The following PGBD5 variants were observed in gnomAD, a reference collection of about 807,000 sequenced individuals.
PGBD5 encodes the protein piggyBac transposable element derived 5, also known as piggyBac transposable element-derived protein 5.
PGBD5 carries 14 observed loss-of-function variants against 47.9 expected under a neutral mutation model. The observed-to-expected ratio is 0.29, with a 90% CI of 0.19 to 0.46. The LOEUF is 0.46. PGBD5 is among the 20% of genes least tolerant of loss of function. The pLI is 1.00. For synonymous variants in PGBD5, 316 were observed against 306.3 expected, an observed-to-expected ratio of 1.03 and a Z score of -0.33; for missense variants, 635 against 716.0, an observed-to-expected ratio of 0.89 and a Z score of 1.29.
At chr1:230,331,272 C>T (rs577682779) in intron 5 of PGBD5, among the ~76,000 whole-genome samples, 5 of 152,030 alleles carry the variant, frequency 3.3e-5, no homozygotes, top group African/African-American at 9.6e-5. Context: ...AAACATTAGC[C>T]GGGCGCAGCG....
chr1:230,323,793 G>A lies in PGBD5; in HGVS notation c.1380-173C>T, dbSNP rs918392299. ...TTGGGATGTTAGGTGAGTTCCAGCTGGGGGTTTTGTCACAGTGAACTTCAT... is the reference window on the plus strand; with the variant it reads ...TTGGGATGTTAGGTGAGTTCCAGCTAGGGGTTTTGTCACAGTGAACTTCAT... On this transcript the variant is annotated intron_variant, in intron 6 of 6. Coordinates refer to ENST00000391860, the MANE Select transcript of PGBD5 (RefSeq NM_001258311.2). The surrounding 1 kb of genome is among the most constrained non-coding windows in gnomAD (Gnocchi z 4.1). Among the ~76,000 whole-genome samples the A allele has an allele frequency of 6.6e-6, 1 of 152,194 alleles. No individual in the cohort carries two copies. The highest frequency in any genetic ancestry group is 1.5e-5 in the Non-Finnish European group (1 of 68,022).
At chr1:230,389,915 C>T (rs111436820) in intron 1 of PGBD5, among the ~76,000 whole-genome samples, 3 of 152,268 alleles carry the variant, frequency 2.0e-5, no homozygotes, top group African/African-American at 7.2e-5. Context: ...GTGACACTGC[C>T]TAGGGCAGAA....
intron 3 of PGBD5, among the ~76,000 whole-genome samples, chr1:230,342,798 T>C (rs953429406): frequency 3.3e-5 from 5 of 152,346 alleles, no homozygotes; most frequent in East Asian, 1.9e-4. Context: ...TTTTTTAATA[T>C]AGCAAAGCTC....
intron 1 of PGBD5, among the ~76,000 whole-genome samples, chr1:230,402,990 C>T (rs1053045437): frequency 6.6e-6 from 1 of 152,122 alleles, no homozygotes. Flanking sequence ...CTTTGTGAAC[C>T]GCACATCACT....
chr1:230,340,201 G>A (rs1238924403), intron 3 of PGBD5, among the ~76,000 whole-genome samples: 1 of 151,952 alleles, frequency 6.6e-6, no homozygotes, highest in Non-Finnish European at 1.5e-5. Flanking sequence ...TCAATCCAAG[G>A]TAACAATCAG....
At chr1:230,332,759 C>T (rs1667240922) in intron 5 of PGBD5, 85 bp downstream of exon 5, 3 of 1,483,904 alleles carry the variant, frequency 2.0e-6, no homozygotes, top group South Asian at 1.2e-5. Context: ...CCACAGTGGA[C>T]GCCACATCCA....
intron 1 of PGBD5, among the ~76,000 whole-genome samples, chr1:230,394,082 C>T (rs1656860407): frequency 6.6e-6 from 1 of 152,038 alleles, no homozygotes; most frequent in Non-Finnish European, 1.5e-5. Context: ...GAGAACGCCA[C>T]CCCATATCCT....
chr1:230,354,729 AC>A (rs956951559), intron 2 of PGBD5, among the ~76,000 whole-genome samples: 1 of 151,880 alleles, frequency 6.6e-6, no homozygotes, highest in African/African-American at 2.4e-5. Flanking sequence ...CCCGGATCAC[AC>A]CCCTAGCCAA....
chr1:230,405,512 A>G (rs1657280201), intron 1 of PGBD5, among the ~76,000 whole-genome samples: 1 of 152,238 alleles, frequency 6.6e-6, no homozygotes, highest in African/African-American at 2.4e-5. Context: ...ATATTTGTTA[A>G]TTGACCATTT....
At chr1:230,337,741 T>C (rs2102819169) in intron 3 of PGBD5, among the ~76,000 whole-genome samples, 1 of 152,208 alleles carries the variant, frequency 6.6e-6, no homozygotes, top group East Asian at 1.9e-4. Flanking sequence ...GTAACCCCCA[T>C]CAGGCAGGCA....
At position 230,411,006 on chromosome 1, in the gene PGBD5, G is replaced by T. The variant is rs75637896; in HGVS notation, c.331+14592C>A. Reference sequence around the variant, plus strand: ...AAAGGGAGAGAGGCCAGGTACAGTGGCTCACACTATCTGTAATCCCAGCAC... The same window carrying T: ...AAAGGGAGAGAGGCCAGGTACAGTGTCTCACACTATCTGTAATCCCAGCAC... On this transcript the variant is annotated intron_variant, in intron 1 of 6. Coordinates refer to ENST00000391860, the MANE Select transcript of PGBD5 (RefSeq NM_001258311.2). 8.1e-3 allele frequency among the ~76,000 whole-genome samples: 1,233 copies of T among 152,228 alleles called. 17 individuals carry two copies. The highest frequency in any genetic ancestry group is 0.029 in the African/African-American group (1,189 of 41,514).
At chr1:230,384,769 T>G (rs1421858847) in intron 1 of PGBD5, among the ~76,000 whole-genome samples, 1 of 152,198 alleles carries the variant, frequency 6.6e-6, no homozygotes, top group Non-Finnish European at 1.5e-5. Context: ...GTGTGTTAAA[T>G]TCTCTGCACT....
intron 3 of PGBD5, among the ~76,000 whole-genome samples, chr1:230,347,476 C>CTTTTTTTTTTTTTTTTTT: frequency 8.8e-6 from 1 of 113,454 alleles, no homozygotes; most frequent in Non-Finnish European, 1.8e-5. Context: ...ATTTTCTTTT[C>CTTTTTTTTTTTTTTTTTT]TTTTTTTTTT....
chr1:230,385,122 G>A (rs1656602383), intron 1 of PGBD5, among the ~76,000 whole-genome samples: 1 of 152,152 alleles, frequency 6.6e-6, no homozygotes, highest in South Asian at 2.1e-4. Context: ...ACCCAGCGTT[G>A]GGGCTGAAAT....
intron 1 of PGBD5, among the ~76,000 whole-genome samples, chr1:230,413,723 G>C (rs114700790): frequency 6.6e-6 from 1 of 152,122 alleles, no homozygotes; most frequent in Non-Finnish European, 1.5e-5. Flanking sequence ...CCTGCTGGGT[G>C]TTCCCTTAGG....
At chr1:230,422,683 T>C (rs1041966894) in intron 1 of PGBD5, among the ~76,000 whole-genome samples, 1 of 151,992 alleles carries the variant, frequency 6.6e-6, no homozygotes, top group Non-Finnish European at 1.5e-5. Flanking sequence ...TCTCCACCCA[T>C]AACTACTGGC....
In PGBD5 at chr1:230,359,403, G is replaced by C. The variant is rs74143194; in HGVS notation, c.332-2082C>G. Reference sequence around the variant, plus strand: ...TAACAAAAGTTGTTCTCATTCTTCAGATTTTAATCATCACTCTCTCCAACC... The same window carrying C: ...TAACAAAAGTTGTTCTCATTCTTCACATTTTAATCATCACTCTCTCCAACC... On this transcript the variant is annotated intron_variant, in intron 1 of 6. Transcript: ENST00000391860. Among the ~76,000 whole-genome samples the C allele has an allele frequency of 2.8e-3, 426 of 152,222 alleles. 4 individuals carry two copies. The highest frequency in any genetic ancestry group is 9.8e-3 in the African/African-American group (408 of 41,540).
intron 1 of PGBD5, among the ~76,000 whole-genome samples, chr1:230,380,695 G>C (rs2102725434): frequency 6.6e-6 from 1 of 152,362 alleles, no homozygotes; most frequent in Admixed American, 6.5e-5. Flanking sequence ...CTGGTGAAGA[G>C]GGAAGCTATA....
intron 1 of PGBD5, among the ~76,000 whole-genome samples, chr1:230,399,722 G>A (rs184197631): frequency 2.1e-3 from 316 of 152,296 alleles, no homozygotes; most frequent in African/African-American, 7.0e-3. Flanking sequence ...GGAGGATGCT[G>A]CTGAGGGCAC....
Sources: gnomAD v4.1 joint callset for allele counts (sites outside exome capture counted in the v4.1 genomes callset) on GRCh38, gnomAD v4.1.1 for gene constraint, Gnocchi (gnomAD v3.1) non-coding constraint, MANE v1.5 for transcripts, NCBI Gene and HGNC (gene_info 2026-07-23, HGNC 2026-07-21) for gene names.